Variants in ABCB4 observed in about 807,000 individuals in gnomAD.
The protein encoded by ABCB4 is phosphatidylcholine translocator ABCB4.
Under a neutral mutation model 145.7 loss-of-function variants are expected in ABCB4, and 76 were observed. That is an observed-to-expected ratio of 0.52 (90% CI 0.43 to 0.63). ABCB4 has a LOEUF of 0.63. Ranked by LOEUF, ABCB4 falls within the 30% of genes least tolerant of loss-of-function variation. The probability of loss-of-function intolerance (pLI) is 0.00; values close to 1 mark genes in which losing one functional copy is unlikely to be tolerated. For synonymous variants in ABCB4, 517 were observed against 566.8 expected (o/e 0.91, Z 1.25); for missense variants, 1,234 against 1,553.1 (o/e 0.79, Z 3.45).
chr7:87,434,095 ATTTTTTTT>A (rs756063095), intron 14 of ABCB4, among the ~76,000 whole-genome samples: 1,345 of 118,050 alleles, frequency 0.011, 20 homozygotes, highest in African/African-American at 0.041. Context: ...CACCTGGCTA[ATTTTTTTT>A]TTTTTTTTTT....
the ABCB4 span, among the ~76,000 whole-genome samples, chr7:87,385,104 A>G: frequency 6.8e-6 from 1 of 147,416 alleles, no homozygotes; most frequent in African/African-American, 2.5e-5. Context: ...GTTTGGCGGT[A>G]TATTTTGAAG....
intron 4 of ABCB4, among the ~76,000 whole-genome samples, chr7:87,459,473 T>A (rs995068365): frequency 6.6e-6 from 1 of 152,230 alleles, no homozygotes; most frequent in Non-Finnish European, 1.5e-5. Context: ...ATGTCAGAAG[T>A]TATTTCCCTT....
the ABCB4 span, among the ~76,000 whole-genome samples, chr7:87,396,470 A>C: frequency 6.6e-6 from 1 of 152,186 alleles, no homozygotes; most frequent in Admixed American, 6.5e-5. Context: ...TATGACATGC[A>C]CTGGACCCTT....
At chr7:87,434,208 G>A (rs574536753) in intron 14 of ABCB4, among the ~76,000 whole-genome samples, 1 of 146,962 alleles carries the variant, frequency 6.8e-6, no homozygotes, top group African/African-American at 2.5e-5. Context: ...TCCCAAAGTT[G>A]TGGGATTACA....
chr7:87,440,061 A>G, intron 13 of ABCB4, 138 bp downstream of exon 13: 1 of 1,150,774 alleles, frequency 8.7e-7, no homozygotes, highest in Non-Finnish European at 1.3e-6. Flanking sequence ...CCCCTAACTG[A>G]GTCATTCAGG....
chr7:87,388,662 C>A, the ABCB4 span, among the ~76,000 whole-genome samples: 103 of 152,210 alleles, frequency 6.8e-4, no homozygotes, highest in Admixed American at 1.1e-3. Context: ...AGACCTAAAC[C>A]CATAAAAACT....
At chr7:87,454,402 T>C (rs1811972647) in intron 5 of ABCB4, 133 bp downstream of exon 5, 1 of 716,530 alleles carries the variant, frequency 1.4e-6, no homozygotes, top group African/African-American at 1.8e-5. Context: ...TAAATTGGGA[T>C]TTGGGAGCAA....
intron 6 of ABCB4, chr7:87,452,716 T>A (rs1811829173): frequency 1.7e-6 from 1 of 589,400 alleles, no homozygotes; most frequent in Non-Finnish European, 3.0e-6. Context: ...TAAACAGGTA[T>A]AAGATGTGAA....
chr7:87,415,505 C>A (rs191445319), intron 21 of ABCB4, among the ~76,000 whole-genome samples: 1 of 151,986 alleles, frequency 6.6e-6, no homozygotes, highest in Admixed American at 6.6e-5. Context: ...TTTAATCTTT[C>A]ATATTTCATA....
chr7:87,383,423 T>A, the ABCB4 span, among the ~76,000 whole-genome samples: 1 of 152,208 alleles, frequency 6.6e-6, no homozygotes, highest in Non-Finnish European at 1.5e-5. Context: ...TTACCCATGT[T>A]GCTGCAAATG....
the ABCB4 span, among the ~76,000 whole-genome samples, chr7:87,391,387 C>T: frequency 1.3e-5 from 2 of 152,160 alleles, no homozygotes; most frequent in East Asian, 1.9e-4. Context: ...ACAGCAGCCA[C>T]GCCTTTGAAA....
At position 87,423,551 on chromosome 7, in the gene ABCB4, A is replaced by C. The variant is rs889038118; in HGVS notation, c.2211+355T>G. On this transcript the variant is annotated intron_variant, in intron 17 of 27. Coordinates refer to ENST00000649586, the MANE Select transcript of ABCB4 (RefSeq NM_000443.4). ...GACTCTTATTAAACTCTATGACTTT[A>C]ACCCCTCCCTGCTCCACTCTCTCTC... The C allele has an allele frequency of 3.7e-5, 13 of 348,304 alleles. 1 individual carries two copies. The highest frequency in any genetic ancestry group is 1.1e-5 in the Non-Finnish European group (2 of 180,980). The allele number at this position is 348,304 out of a possible 1,614,324, so 21.6% of individuals were successfully genotyped here.
chr7:87,450,218 C>T (rs1811620791), intron 7 of ABCB4, 126 bp from the exon 8 acceptor site: 1 of 1,321,638 alleles, frequency 7.6e-7, no homozygotes, highest in South Asian at 1.2e-5. Context: ...AGTCATGTAG[C>T]AAATGCCAGT....
chr7:87,402,279 T>C lies in ABCB4; in HGVS notation c.3657A>G (p.Lys1219=). The C allele has an allele frequency of 6.2e-7, 1 of 1,614,030 alleles. No individual in the cohort carries two copies. The highest frequency in any genetic ancestry group is 1.1e-5 in the South Asian group (1 of 91,074). The part of the protein sequence containing the change: ...SEKVVQEALD[K]AREGRTCIVI... ...CAATGCAGGTGCGGCCTTCTCTGGC[T>C]TTGTCCAGGGCTTCTTGGACAACCT... The change falls in exon 28 of 28, where the codon AAA becomes AAG. Residue 1219 remains lysine, a synonymous_variant. Transcript: ENST00000649586.
intron 16 of ABCB4, among the ~76,000 whole-genome samples, chr7:87,424,340 C>G (rs556308338): frequency 6.6e-6 from 1 of 152,164 alleles, no homozygotes; most frequent in Non-Finnish European, 1.5e-5. Flanking sequence ...AGGATCTGGG[C>G]ACAAATACCT....
chr7:87,381,526 C>T, the ABCB4 span, among the ~76,000 whole-genome samples: 1 of 152,166 alleles, frequency 6.6e-6, no homozygotes, highest in Non-Finnish European at 1.5e-5. Flanking sequence ...AGGTTGCCAT[C>T]CCCATCTGCT....
At chr7:87,389,772 T>TA in the ABCB4 span, among the ~76,000 whole-genome samples, 1 of 152,068 alleles carries the variant, frequency 6.6e-6, no homozygotes, top group Admixed American at 6.6e-5. Flanking sequence ...TAAAGTATAA[T>TA]AAAAAAAATT....
the ABCB4 span, chr7:87,377,501 T>C: frequency 1.9e-6 from 2 of 1,066,148 alleles, no homozygotes; most frequent in Non-Finnish European, 1.4e-6. Context: ...GTTAAATTAA[T>C]GACAATAAAC....
chr7:87,366,110 C>T, the ABCB4 span, among the ~76,000 whole-genome samples: 1 of 152,170 alleles, frequency 6.6e-6, no homozygotes, highest in Non-Finnish European at 1.5e-5. Flanking sequence ...CTTCCCCAAA[C>T]CCTTCTGCTG....
Sources: allele counts gnomAD v4.1 joint callset (sites outside exome capture counted in the v4.1 genomes callset), GRCh38; gene constraint gnomAD v4.1.1; transcripts MANE v1.5; gene names NCBI Gene and HGNC (gene_info 2026-07-23, HGNC 2026-07-21).